The following TMEM51 variants were observed in gnomAD, a reference collection of about 807,000 sequenced individuals.
TMEM51 encodes the protein transmembrane protein 51.
A neutral mutation model predicts 13.6 loss-of-function variants in TMEM51; 8 were observed. The observed-to-expected ratio is 0.59, with a 90% CI of 0.35 to 1.07. TMEM51 has a LOEUF of 1.07. Ranked by LOEUF, TMEM51 falls within the 50% of genes least tolerant of loss-of-function variation. The pLI, the probability that TMEM51 is intolerant of heterozygous loss-of-function variation, is 0.02. For synonymous variants in TMEM51, 147 were observed against 144.4 expected (o/e 1.02, Z -0.13); for missense variants, 279 against 330.7 (o/e 0.84, Z 1.21).
intron 1 of TMEM51, among the ~76,000 whole-genome samples, chr1:15,201,883 A>G: frequency 6.6e-6 from 1 of 152,202 alleles, no homozygotes; most frequent in East Asian, 1.9e-4. Context: ...AAGTCTGGGA[A>G]CACAGAGGGC....
intron 1 of TMEM51, among the ~76,000 whole-genome samples, chr1:15,208,951 G>A (rs1048790998): frequency 6.6e-6 from 1 of 152,114 alleles, no homozygotes; most frequent in Non-Finnish European, 1.5e-5. Flanking sequence ...GTATATATAA[G>A]ATATATGTGA....
intron 1 of TMEM51, among the ~76,000 whole-genome samples, chr1:15,180,368 GGGCCCGCTGTGCTGGGAACAGA>G: frequency 6.6e-6 from 1 of 152,348 alleles, no homozygotes; most frequent in Non-Finnish European, 1.5e-5. Flanking sequence ...GGGCATCACA[GGGCCCGCTGTGCTGGGAACAGA>G]GGCCAGCACT....
At chr1:15,208,655 A>G (rs1027469687) in intron 1 of TMEM51, among the ~76,000 whole-genome samples, 1 of 152,100 alleles carries the variant, frequency 6.6e-6, no homozygotes, top group Non-Finnish European at 1.5e-5. Flanking sequence ...ATAAATAAGT[A>G]GCCAGACAAA....
chr1:15,190,720 T>A (rs1643905104), intron 1 of TMEM51, among the ~76,000 whole-genome samples: 1 of 152,198 alleles, frequency 6.6e-6, no homozygotes, highest in South Asian at 2.1e-4. Context: ...TCCCAGGTTA[T>A]CCAAGTGAGC....
At chr1:15,159,525 G>A (rs1351455945) in intron 1 of TMEM51, among the ~76,000 whole-genome samples, 2 of 152,180 alleles carry the variant, frequency 1.3e-5, no homozygotes, top group Non-Finnish European at 2.9e-5. Context: ...AAACAAAGAA[G>A]AGTTAATAAC....
intron 1 of TMEM51, among the ~76,000 whole-genome samples, chr1:15,198,670 G>A (rs1163168329): frequency 1.3e-5 from 2 of 152,020 alleles, no homozygotes; most frequent in Non-Finnish European, 2.9e-5. Flanking sequence ...TGCCTGCCTC[G>A]GCCTCCCAAA....
intron 1 of TMEM51, among the ~76,000 whole-genome samples, chr1:15,200,957 G>C (rs979852435): frequency 1.3e-5 from 2 of 152,132 alleles, no homozygotes; most frequent in African/African-American, 4.8e-5. Context: ...TGGGGGGCCC[G>C]GGAGGCACCA....
At chr1:15,178,290 C>A (rs1189452158) in intron 1 of TMEM51, among the ~76,000 whole-genome samples, 1 of 152,144 alleles carries the variant, frequency 6.6e-6, no homozygotes, top group Non-Finnish European at 1.5e-5. Context: ...CAAGCCTTAA[C>A]TCCCTTCCTG....
At chr1:15,155,888 A>G (rs1033154928) in intron 1 of TMEM51, among the ~76,000 whole-genome samples, 6 of 152,196 alleles carry the variant, frequency 3.9e-5, no homozygotes, top group Admixed American at 2.0e-4. Flanking sequence ...TAAGCAGGGA[A>G]GTCGTCTGAT....
chr1:15,216,426 T>C (rs1644433435), intron 3 of TMEM51, among the ~76,000 whole-genome samples: 2 of 152,242 alleles, frequency 1.3e-5, no homozygotes, highest in Non-Finnish European at 2.9e-5. Context: ...ACTTCATTAG[T>C]CATGAAATGC....
At chr1:15,178,005 C>G (rs1192792963) in intron 1 of TMEM51, among the ~76,000 whole-genome samples, 1 of 152,244 alleles carries the variant, frequency 6.6e-6, no homozygotes, top group African/African-American at 2.4e-5. Flanking sequence ...CACTGACGTT[C>G]ACCCAGCCAG....
At position 15,219,497 on chromosome 1, in the gene TMEM51, C is replaced by A. The variant is rs775068240; in HGVS notation, c.516C>A (p.Pro172=). Residue 172 remains proline, a synonymous_variant, in exon 4 of 4, where the codon CCC becomes CCA. Coordinates refer to ENST00000376008, the MANE Select transcript of TMEM51 (RefSeq NM_001136218.2). ...ESLTGLDETT[P]TSTRADVEAS... ...TGACGGGGCTCGACGAGACCACCCC[C>A]ACATCCACCAGGGCTGACGTGGAGG... 1.9e-6 allele frequency: 3 copies of A among 1,614,110 alleles called. No individual in the cohort carries two copies. The highest frequency in any genetic ancestry group is 4.5e-5 in the East Asian group (2 of 44,874).
intron 2 of TMEM51, among the ~76,000 whole-genome samples, chr1:15,211,800 A>AC (rs113229076): frequency 0.32 from 46,115 of 143,364 alleles, 7,972 homozygotes; most frequent in Middle Eastern, 0.39. Context: ...AGAAGCAATC[A>AC]TGGTACAAGT....
intron 1 of TMEM51, chr1:15,192,092 CAG>C (rs1643934293): frequency 2.0e-6 from 1 of 495,610 alleles, no homozygotes; most frequent in African/African-American, 2.0e-5. Context: ...CCACGCGACA[CAG>C]GGAGAGAATC....
At chr1:15,182,273 G>A (rs1378380262) in intron 1 of TMEM51, among the ~76,000 whole-genome samples, 2 of 152,296 alleles carry the variant, frequency 1.3e-5, no homozygotes, top group Middle Eastern at 6.8e-3. Flanking sequence ...TCAAATCCCT[G>A]CTCTCTTCTT....
intron 1 of TMEM51, among the ~76,000 whole-genome samples, chr1:15,158,976 TA>T (rs1243500879): frequency 1.3e-5 from 2 of 152,138 alleles, no homozygotes; most frequent in Admixed American, 6.5e-5. Flanking sequence ...AGTCACTAGG[TA>T]AAAACGTCTC....
chr1:15,187,839 G>A (rs1445288189), intron 1 of TMEM51, among the ~76,000 whole-genome samples: 3 of 151,956 alleles, frequency 2.0e-5, no homozygotes, highest in East Asian at 1.9e-4. Context: ...AAAACACCCC[G>A]GCCAAGGAAA....
chr1:15,164,393 T>C (rs1362548515), intron 1 of TMEM51: 1 of 456,138 alleles, frequency 2.2e-6, no homozygotes, highest in Admixed American at 2.3e-5. Flanking sequence ...TTGTAGAACT[T>C]CCCTGAATTT....
chr1:15,170,767 C>T (rs1309053219), intron 1 of TMEM51, among the ~76,000 whole-genome samples: 4 of 151,966 alleles, frequency 2.6e-5, no homozygotes, highest in East Asian at 3.9e-4. Flanking sequence ...CTCCCTCTGT[C>T]GCCCAGGCTG....
Sources: allele counts gnomAD v4.1 joint callset (sites outside exome capture counted in the v4.1 genomes callset), GRCh38; gene constraint gnomAD v4.1.1; transcripts MANE v1.5; gene names NCBI Gene and HGNC (gene_info 2026-07-23, HGNC 2026-07-21).